LINGO2: variants seen among roughly 807,000 people sequenced by gnomAD.
LINGO2 encodes leucine rich repeat and Ig domain containing 2, also known as leucine-rich repeat and immunoglobulin-like domain-containing nogo receptor-interacting protein 2.
In LINGO2, 14 loss-of-function variants were observed where a neutral mutation model predicts 30.6. The ratio of observed to expected loss-of-function variants is 0.46; its 90% CI spans 0.30 to 0.72. LINGO2 has a LOEUF of 0.72. Ranked by LOEUF, LINGO2 falls within the 30% of genes least tolerant of loss-of-function variation. The probability of loss-of-function intolerance (pLI) is 0.07; values close to 1 mark genes in which losing one functional copy is unlikely to be tolerated. For missense variants in LINGO2, 729 were observed against 751.7 expected (o/e 0.97, Z 0.35); for synonymous variants, 317 against 288.5 (o/e 1.10, Z -1.00).
chr9:28,249,260 A>T lies in LINGO2; in HGVS notation c.-87+45948T>A, dbSNP rs541826714. On this transcript the variant is annotated intron_variant, in intron 4 of 5. Transcript: ENST00000379992. ...TTAAGTTTTACCTAAAACTCTCTAC[A>T]GTAATTAAACCTAGAAATGTTTATT... Among the ~76,000 whole-genome samples the T allele has an allele frequency of 2.6e-5, 4 of 152,284 alleles. No homozygotes were observed. The South Asian group carries it at 8.3e-4, about 32-fold the overall frequency.
intron 1 of LINGO2, among the ~76,000 whole-genome samples, chr9:28,652,330 T>A (rs1828139189): frequency 2.6e-5 from 4 of 152,284 alleles, no homozygotes; most frequent in Admixed American, 2.6e-4. Flanking sequence ...AACTACTAAG[T>A]TGGCACTTTC....
intron 4 of LINGO2, among the ~76,000 whole-genome samples, chr9:28,176,732 G>C (rs1490648629): frequency 6.6e-6 from 1 of 152,118 alleles, no homozygotes; most frequent in Non-Finnish European, 1.5e-5. Flanking sequence ...GCACACCAAA[G>C]ACTCATCATA....
intron 2 of LINGO2, among the ~76,000 whole-genome samples, chr9:28,392,474 C>T (rs1294504444): frequency 2.0e-5 from 3 of 152,104 alleles, no homozygotes; most frequent in African/African-American, 7.2e-5. Flanking sequence ...ATAGTTCCAC[C>T]TCATATGGGT....
chr9:28,398,272 G>A (rs1052655812), intron 2 of LINGO2, among the ~76,000 whole-genome samples: 2 of 152,144 alleles, frequency 1.3e-5, no homozygotes, highest in African/African-American at 4.8e-5. Flanking sequence ...AGAAGGCGTT[G>A]AATGAAAAGT....
At chr9:28,870,215 T>A in the LINGO2 span, among the ~76,000 whole-genome samples, 1 of 152,180 alleles carries the variant, frequency 6.6e-6, no homozygotes, top group East Asian at 1.9e-4. Flanking sequence ...GAGGCACTGC[T>A]TTTTCATAAA....
chr9:29,068,035 G>T, the LINGO2 span, among the ~76,000 whole-genome samples: 2 of 151,778 alleles, frequency 1.3e-5, no homozygotes, highest in East Asian at 3.9e-4. Flanking sequence ...TTTGCATTCT[G>T]CATCAAAATG....
intron 1 of LINGO2, among the ~76,000 whole-genome samples, chr9:28,668,029 T>C (rs138015959): frequency 6.6e-6 from 1 of 152,178 alleles, no homozygotes; most frequent in African/African-American, 2.4e-5. Flanking sequence ...CTCTGCTATA[T>C]TCACAATTTT....
chr9:28,632,167 A>G (rs1205228615), intron 1 of LINGO2, among the ~76,000 whole-genome samples: 2 of 152,156 alleles, frequency 1.3e-5, no homozygotes, highest in East Asian at 3.9e-4. Context: ...AAACACGTTC[A>G]ATGCATAGTT....
the LINGO2 span, among the ~76,000 whole-genome samples, chr9:28,952,858 C>T: frequency 1.3e-5 from 2 of 152,252 alleles, no homozygotes; most frequent in East Asian, 3.9e-4. Context: ...TGTTTTAAGT[C>T]ATTAAGTTTT....
chr9:28,871,606 T>A, the LINGO2 span, among the ~76,000 whole-genome samples: 1 of 152,000 alleles, frequency 6.6e-6, no homozygotes, highest in South Asian at 2.1e-4. Context: ...TCAGCTATAC[T>A]ATAGTGTAAC....
At chr9:28,661,126 G>A (rs1212689606) in intron 1 of LINGO2, among the ~76,000 whole-genome samples, 2 of 151,710 alleles carry the variant, frequency 1.3e-5, no homozygotes, top group Non-Finnish European at 2.9e-5. Flanking sequence ...AACCTGCTTT[G>A]ACCAATAAGA....
At chr9:28,908,515 C>T in the LINGO2 span, among the ~76,000 whole-genome samples, 1 of 151,792 alleles carries the variant, frequency 6.6e-6, no homozygotes. Context: ...CAGGAAGTCA[C>T]TTGTGTTCAA....
the LINGO2 span, among the ~76,000 whole-genome samples, chr9:28,920,706 G>T: frequency 7.3e-6 from 1 of 136,080 alleles, no homozygotes; most frequent in Admixed American, 7.9e-5. Flanking sequence ...CAGAGCCGGT[G>T]GCCTTTGTTA....
intron 4 of LINGO2, among the ~76,000 whole-genome samples, chr9:28,091,384 A>C (rs1826080999): frequency 6.6e-6 from 1 of 152,222 alleles, no homozygotes; most frequent in African/African-American, 2.4e-5. Flanking sequence ...CCAATGGAAC[A>C]GAAATAATAC....
intron 4 of LINGO2, among the ~76,000 whole-genome samples, chr9:28,077,085 A>T (rs1014655066): frequency 2.0e-5 from 3 of 152,196 alleles, no homozygotes; most frequent in Non-Finnish European, 4.4e-5. Flanking sequence ...TTTCTACCCC[A>T]TAGAAAACTA....
chr9:28,494,872 A>G (rs1819538711), intron 1 of LINGO2, among the ~76,000 whole-genome samples: 1 of 152,208 alleles, frequency 6.6e-6, no homozygotes, highest in African/African-American at 2.4e-5. Context: ...CATCCTCTCC[A>G]GCACCTGTTG....
chr9:29,164,096 C>T, the LINGO2 span, among the ~76,000 whole-genome samples: 1 of 146,640 alleles, frequency 6.8e-6, no homozygotes, highest in Non-Finnish European at 1.5e-5. Flanking sequence ...GATGAAGGGG[C>T]CTACATGGAG....
the LINGO2 span, among the ~76,000 whole-genome samples, chr9:29,023,879 T>G: frequency 6.6e-6 from 1 of 152,034 alleles, no homozygotes; most frequent in Non-Finnish European, 1.5e-5. Flanking sequence ...GCTGCTTGGA[T>G]CCTTAGTAAA....
At chr9:28,921,554 T>C in the LINGO2 span, among the ~76,000 whole-genome samples, 2 of 152,188 alleles carry the variant, frequency 1.3e-5, no homozygotes, top group Non-Finnish European at 2.9e-5. Flanking sequence ...GCAATTATCT[T>C]GGTAGCTCGA....
Sources: gnomAD v4.1 joint callset for allele counts (sites outside exome capture counted in the v4.1 genomes callset) on GRCh38, gnomAD v4.1.1 for gene constraint, MANE v1.5 for transcripts, NCBI Gene and HGNC (gene_info 2026-07-23, HGNC 2026-07-21) for gene names.